The following COL4A2 variants were observed in gnomAD, a reference collection of about 807,000 sequenced individuals.
COL4A2 encodes collagen type IV alpha 2 chain.
In COL4A2, 99 loss-of-function variants were observed where a neutral mutation model predicts 200.2. The ratio of observed to expected loss-of-function variants is 0.49; its 90% CI spans 0.42 to 0.58. The LOEUF is 0.58. Ranked by LOEUF, COL4A2 falls within the 20% of genes least tolerant of loss-of-function variation. The pLI is 0.00. For synonymous variants in COL4A2, 897 were observed against 900.6 expected (o/e 1.00, Z 0.07); for missense variants, 1,950 against 2,314.1 (o/e 0.84, Z 3.23).
rs374846915 is a variant in COL4A2 at position 110,509,245 on chromosome 13, T to TTATATATATATATATATATATATATA, written c.4881+1025_4881+1050dup. ...CCCAGCATGTTAAATATTTCATAAA[T>TTATATATATATATATATATATATATA]TATATATATATATATATATATATAT... On this transcript the variant is annotated intron_variant, in intron 47 of 47. Transcript: ENST00000360467. 1.7e-4 allele frequency among the ~76,000 whole-genome samples: 12 copies of TTATATATATATATATATATATATATA among 71,984 alleles called. 1 individual carries two copies. The highest frequency in any genetic ancestry group is 1.5e-3 in the South Asian group (2 of 1,360). The allele number at this position is 71,984 out of a possible 152,430, so 47.2% of individuals were successfully genotyped here.
chr13:110,321,970 A>G (rs527824148), intron 3 of COL4A2, among the ~76,000 whole-genome samples: 23 of 152,384 alleles, frequency 1.5e-4, no homozygotes, highest in African/African-American at 5.5e-4. Context: ...GTGGGGACAC[A>G]GAGCCAAACC....
chr13:110,485,258 T>C (rs957007062), intron 33 of COL4A2, among the ~76,000 whole-genome samples: 32 of 152,242 alleles, frequency 2.1e-4, no homozygotes, highest in Non-Finnish European at 1.5e-5. Flanking sequence ...GCGCGGTGGC[T>C]CACGCCTGTA....
chr13:110,331,045 T>C (rs1481472799), intron 3 of COL4A2, among the ~76,000 whole-genome samples: 3 of 149,126 alleles, frequency 2.0e-5, no homozygotes, highest in Non-Finnish European at 3.0e-5. Flanking sequence ...CAGTAATATT[T>C]TTTTCTTTCC....
At chr13:110,334,755 A>G (rs1179039496) in intron 3 of COL4A2, among the ~76,000 whole-genome samples, 1 of 152,248 alleles carries the variant, frequency 6.6e-6, no homozygotes, top group Non-Finnish European at 1.5e-5. Flanking sequence ...TATGCAGAGC[A>G]TTTAGGAATA....
intron 38 of COL4A2, 64 bp from the exon 39 acceptor site, chr13:110,493,147 A>G: frequency 6.3e-7 from 1 of 1,591,954 alleles, no homozygotes; most frequent in East Asian, 2.2e-5. Flanking sequence ...CCGCAGGTGA[A>G]ATAAATAACG....
chr13:110,420,245 C>T (rs1347336231), intron 4 of COL4A2, among the ~76,000 whole-genome samples: 1 of 152,256 alleles, frequency 6.6e-6, no homozygotes, highest in African/African-American at 2.4e-5. Flanking sequence ...CCTCTCTCCT[C>T]TCCACTGGAG....
rs764318575 is a variant in COL4A2, at chr13:110,489,728, A to C, written c.3289A>C (p.Ile1097Leu). 1.2e-6 allele frequency: 2 copies of C among 1,614,050 alleles called. No homozygotes were observed. The highest frequency in any genetic ancestry group is 2.2e-5 in the South Asian group (2 of 91,052). ...TGDFGDIGDT[I>L]NLPGRPGLKG... ...TGTAACAGGTGACATCGGGGACACT[A>C]TAAATTTACCAGGAAGACCAGGCCT... Residue 1097 changes from isoleucine (I) to leucine (L), a missense_variant, in exon 36 of 48, where the codon ATA (isoleucine) becomes CTA (leucine). This residue lies in a region of COL4A2 where 1,385 missense variants were observed against 1,720.5 expected (regional missense o/e 0.80). Transcript: ENST00000360467.
intron 4 of COL4A2, among the ~76,000 whole-genome samples, chr13:110,361,867 G>A (rs1356021587): frequency 2.0e-5 from 3 of 152,344 alleles, no homozygotes; most frequent in Non-Finnish European, 4.4e-5. Flanking sequence ...GAGCTGGGAG[G>A]AGCTGAGCCA....
intron 40 of COL4A2, among the ~76,000 whole-genome samples, chr13:110,499,844 G>T (rs9521809): frequency 0.63 from 96,531 of 152,098 alleles, 32,101 homozygotes; most frequent in Non-Finnish European, 0.74. Context: ...CTGCCAGTCT[G>T]CGGATTGCAC....
intron 4 of COL4A2, among the ~76,000 whole-genome samples, chr13:110,367,115 A>C (rs4773169): frequency 0.4 from 61,041 of 152,044 alleles, 12,374 homozygotes; most frequent in Middle Eastern, 0.56. Flanking sequence ...CAGGAACCCA[A>C]TGTAAGCCCT....
intron 3 of COL4A2, among the ~76,000 whole-genome samples, chr13:110,346,853 C>A (rs1161079973): frequency 6.6e-6 from 1 of 152,220 alleles, no homozygotes; most frequent in African/African-American, 2.4e-5. Context: ...CTCAGCTCCT[C>A]CCGGGGTGAA....
chr13:110,379,581 C>A (rs78010074), intron 4 of COL4A2, among the ~76,000 whole-genome samples: 1,716 of 152,290 alleles, frequency 0.011, 29 homozygotes, highest in African/African-American at 0.037. Context: ...TTCTCATGCA[C>A]CCCCAAATCC....
intron 3 of COL4A2, among the ~76,000 whole-genome samples, chr13:110,333,636 G>T (rs1378616889): frequency 6.6e-6 from 1 of 152,208 alleles, no homozygotes; most frequent in Non-Finnish European, 1.5e-5. Flanking sequence ...GATGGGAAGA[G>T]GACCGCTCAC....
intron 32 of COL4A2, among the ~76,000 whole-genome samples, chr13:110,483,757 G>C (rs1883015838): frequency 1.3e-5 from 2 of 148,374 alleles, no homozygotes; most frequent in Middle Eastern, 3.4e-3. Context: ...TAAAGCTGAA[G>C]GGTTAGGGGA....
intron 4 of COL4A2, among the ~76,000 whole-genome samples, chr13:110,385,583 ATAGG>A: frequency 6.8e-6 from 1 of 146,422 alleles, no homozygotes; most frequent in Non-Finnish European, 1.5e-5. Context: ...CAGTGTGTGG[ATAGG>A]CCGTGGTTAC....
chr13:110,340,439 T>A (rs1594156759), intron 3 of COL4A2, among the ~76,000 whole-genome samples: 2 of 152,122 alleles, frequency 1.3e-5, no homozygotes, highest in East Asian at 3.9e-4. Flanking sequence ...ATACAGCAAA[T>A]CCACCTTTCC....
At chr13:110,381,846 G>A (rs941880290) in intron 4 of COL4A2, among the ~76,000 whole-genome samples, 4 of 152,134 alleles carry the variant, frequency 2.6e-5, no homozygotes, top group African/African-American at 9.7e-5. Context: ...AAATGGTGGT[G>A]GTGATGATAA....
intron 47 of COL4A2, among the ~76,000 whole-genome samples, chr13:110,509,262 T>C (rs1883994785): frequency 8.3e-6 from 1 of 120,126 alleles, no homozygotes; most frequent in African/African-American, 3.6e-5. Flanking sequence ...TATATATATA[T>C]ATATATATAC....
At chr13:110,385,491 G>GCCGTGGTTACAGTGTGTGGATAGA in intron 4 of COL4A2, among the ~76,000 whole-genome samples, 1 of 57,434 alleles carries the variant, frequency 1.7e-5, no homozygotes, top group South Asian at 5.5e-4. Context: ...GTGTGGATAG[G>GCCGTGGTTACAGTGTGTGGATAGA]CCGTGGTTAC....
Sources: allele counts gnomAD v4.1 joint callset (sites outside exome capture counted in the v4.1 genomes callset), GRCh38; gene constraint gnomAD v4.1.1; regional missense constraint gnomAD v4.1.1; transcripts MANE v1.5; gene names NCBI Gene and HGNC (gene_info 2026-07-23, HGNC 2026-07-21).